Variants in ITPR1 observed in about 807,000 individuals in gnomAD.
ITPR1 encodes the protein inositol 1,4,5-trisphosphate-gated calcium channel ITPR1.
Under a neutral mutation model 318.4 loss-of-function variants are expected in ITPR1, and 96 were observed. The observed-to-expected ratio is 0.30, with a 90% CI of 0.26 to 0.36. The LOEUF is 0.36. ITPR1 is among the 10% of genes least tolerant of loss of function. The pLI is 1.00. For synonymous variants in ITPR1, 1,312 were observed against 1,289.9 expected, an observed-to-expected ratio of 1.02 and a Z score of -0.37; for missense variants, 2,440 against 3,460.2, an observed-to-expected ratio of 0.71 and a Z score of 7.40.
chr3:4,743,620 C>T (rs2043861905), intron 44 of ITPR1, among the ~76,000 whole-genome samples: 1 of 152,194 alleles, frequency 6.6e-6, no homozygotes, highest in South Asian at 2.1e-4. Context: ...TCCAGAGGAG[C>T]TGGAGACCCA....
intron 5 of ITPR1, among the ~76,000 whole-genome samples, chr3:4,631,252 G>T (rs1441758198): frequency 6.6e-6 from 1 of 152,168 alleles, no homozygotes. Context: ...TGGTATTTCA[G>T]ATGACTGCAG....
chr3:4,568,373 T>C (rs549027433), intron 4 of ITPR1, among the ~76,000 whole-genome samples: 118 of 152,378 alleles, frequency 7.7e-4, no homozygotes, highest in African/African-American at 2.7e-3. Context: ...CACAGAGCTT[T>C]GCTGAACACC....
intron 44 of ITPR1, among the ~76,000 whole-genome samples, chr3:4,736,018 AAC>A (rs1164106941): frequency 1.2e-4 from 19 of 152,352 alleles, no homozygotes; most frequent in African/African-American, 4.3e-4. Context: ...TTTCTTCCAC[AAC>A]AGTCATCTTA....
rs544552668 is a variant in ITPR1, at chr3:4,648,083, C to T, written c.855+2355C>T. ...AGGAGAATCACTTGAATCCAGGAGGCGGAGGTTGTGGTAAGCCGAGAGTGC... is the reference window on the plus strand; with the variant it reads ...AGGAGAATCACTTGAATCCAGGAGGTGGAGGTTGTGGTAAGCCGAGAGTGC... On this transcript the variant is annotated intron_variant, in intron 10 of 61. Transcript: ENST00000649015. Among the ~76,000 whole-genome samples, 17 of 151,920 alleles carry T rather than the reference C, an allele frequency of 1.1e-4. No homozygotes were observed. In the East Asian group the frequency reaches 2.7e-3, roughly 24 times the overall value.
At chr3:4,672,643 T>A (rs191873163) in intron 20 of ITPR1, among the ~76,000 whole-genome samples, 1 of 151,468 alleles carries the variant, frequency 6.6e-6, no homozygotes, top group East Asian at 1.9e-4. Context: ...AAATGAAATG[T>A]TTTTTTACAC....
intron 44 of ITPR1, among the ~76,000 whole-genome samples, chr3:4,754,538 C>A (rs1030897316): frequency 3.9e-5 from 6 of 152,120 alleles, no homozygotes; most frequent in African/African-American, 2.4e-5. Flanking sequence ...ATAGAACCAG[C>A]CCTGGAAGCC....
At chr3:4,660,261 A>G (rs2093803350) in intron 13 of ITPR1, among the ~76,000 whole-genome samples, 1 of 152,176 alleles carries the variant, frequency 6.6e-6, no homozygotes, top group Admixed American at 6.5e-5. Flanking sequence ...GTATTTCATT[A>G]TTAAATTACC....
chr3:4,709,782 G>A (rs1429578890), intron 37 of ITPR1, among the ~76,000 whole-genome samples: 4 of 152,152 alleles, frequency 2.6e-5, no homozygotes, highest in African/African-American at 9.7e-5. Flanking sequence ...GTGTCCTCAT[G>A]TTTGTATGAC....
intron 44 of ITPR1, among the ~76,000 whole-genome samples, chr3:4,741,719 C>T (rs1474313298): frequency 6.6e-6 from 1 of 152,128 alleles, no homozygotes. Context: ...ATTTGATTTG[C>T]CTCTGCTGGA....
chr3:4,538,186 A>C (rs2084056109), intron 4 of ITPR1, among the ~76,000 whole-genome samples: 1 of 152,176 alleles, frequency 6.6e-6, no homozygotes, highest in Non-Finnish European at 1.5e-5. Context: ...CCTTAAACTT[A>C]AACAAATTTA....
intron 40 of ITPR1, among the ~76,000 whole-genome samples, chr3:4,721,172 GTATATATATATATATA>G (rs5846332): frequency 5.6e-5 from 7 of 125,068 alleles, no homozygotes; most frequent in South Asian, 2.5e-4. Context: ...GTGTGTGCGT[GTATATATATATATATA>G]TATATATATA....
rs759008439 is a variant in ITPR1 at position 4,658,178 on chromosome 3, A to T, written c.1051A>T (p.Met351Leu). 4 of 1,613,622 alleles carry T rather than the reference A, an allele frequency of 2.5e-6. No individual in the cohort carries two copies. The highest frequency in any genetic ancestry group is 2.5e-6 in the Non-Finnish European group (3 of 1,179,664). The change falls in exon 13 of 62, where the codon ATG becomes TTG. Residue 351 changes from methionine (M) to leucine (L), a missense_variant. By Grantham distance (15) the Met-to-Leu change is conservative. This residue lies in a region of ITPR1 where 101 missense variants were observed against 119.6 expected (regional missense o/e 0.84). Coordinates refer to ENST00000649015, the MANE Select transcript of ITPR1 (RefSeq NM_001378452.1). ...RSRLRNAQEK[M>L]VYSLVSVPEG... is the part of the protein sequence containing the mutation. The stretch of plus-strand genomic sequence containing the variant: ...TAGGTTGCGGAATGCCCAAGAAAAG[A>T]TGGTATACTCCCTGGTCTCTGTGCC...
intron 3 of ITPR1, among the ~76,000 whole-genome samples, chr3:4,519,586 T>C (rs1407691067): frequency 6.6e-6 from 1 of 152,200 alleles, no homozygotes; most frequent in Non-Finnish European, 1.5e-5. Context: ...TGTCAAGCAT[T>C]ATGTTAGCTC....
intron 2 of ITPR1, among the ~76,000 whole-genome samples, chr3:4,503,124 T>C (rs761888866): frequency 1.3e-5 from 2 of 151,806 alleles, no homozygotes; most frequent in African/African-American, 4.8e-5. Context: ...TTGCAGAGGG[T>C]GACGTGAGGA....
chr3:4,556,545 A>G (rs940566171), intron 4 of ITPR1, among the ~76,000 whole-genome samples: 1 of 146,146 alleles, frequency 6.8e-6, no homozygotes, highest in Non-Finnish European at 1.5e-5. Context: ...CCAGAATGTG[A>G]TAATGTTAGA....
chr3:4,608,535 T>C (rs1420718316), intron 4 of ITPR1, among the ~76,000 whole-genome samples: 3 of 152,176 alleles, frequency 2.0e-5, no homozygotes, highest in African/African-American at 7.2e-5. Context: ...TGGATCTCAT[T>C]TGGGGCTGAT....
At chr3:4,560,034 C>G (rs1262709562) in intron 4 of ITPR1, among the ~76,000 whole-genome samples, 1 of 152,210 alleles carries the variant, frequency 6.6e-6, no homozygotes, top group Non-Finnish European at 1.5e-5. Context: ...CTTAACCTCT[C>G]TATGTCTCAG....
intron 4 of ITPR1, among the ~76,000 whole-genome samples, chr3:4,605,276 A>T (rs1298541346): frequency 6.6e-6 from 1 of 152,180 alleles, no homozygotes; most frequent in Non-Finnish European, 1.5e-5. Context: ...ATGGGGGACC[A>T]CATATTATTT....
Position 4,658,284 on chromosome 3 carries a change from A to G in ITPR1, c.1151+6A>G. On this transcript the variant is annotated splice_donor_region_variant and intron_variant, in intron 13 of 61. Transcript: ENST00000649015. ...GGTGACAGCCTTGTCCCAAGGTATC[A>G]TTTTAAAATTGCTTTTCCCCAAAGA... The G allele has an allele frequency of 6.3e-7, 1 of 1,598,082 alleles. No individual in the cohort carries two copies. Among genetic ancestry groups the G allele is most frequent in the East Asian group, 2.3e-5 (1 of 44,442 alleles).
Sources: allele counts gnomAD v4.1 joint callset (sites outside exome capture counted in the v4.1 genomes callset), GRCh38; gene constraint gnomAD v4.1.1; regional missense constraint gnomAD v4.1.1; transcripts MANE v1.5; gene names NCBI Gene and HGNC (gene_info 2026-07-23, HGNC 2026-07-21).